Variants in SCN3B observed in about 807,000 individuals in gnomAD.
SCN3B encodes sodium channel regulatory subunit beta-3.
SCN3B carries 11 observed loss-of-function variants against 25.4 expected under a neutral mutation model. The observed-to-expected ratio is 0.43, with a 90% CI of 0.27 to 0.72. The LOEUF (loss-of-function observed/expected upper bound fraction) is 0.72, where lower values mean the gene tolerates loss of function less well. Ranked by LOEUF, SCN3B falls within the 30% of genes least tolerant of loss-of-function variation. The pLI is 0.18. For missense variants in SCN3B, 218 were observed against 278.3 expected, an observed-to-expected ratio of 0.78 and a Z score of 1.54; for synonymous variants, 109 against 110.7, an observed-to-expected ratio of 0.99 and a Z score of 0.09.
chr11:123,634,572 C>G (rs1041656691), intron 5 of SCN3B, among the ~76,000 whole-genome samples: 9 of 152,148 alleles, frequency 5.9e-5, no homozygotes, highest in Admixed American at 1.3e-4. Context: ...GAAACCCTGT[C>G]TCTACAAAAA....
chr11:123,649,880 T>G (rs1955904013), intron 2 of SCN3B, among the ~76,000 whole-genome samples: 1 of 152,102 alleles, frequency 6.6e-6, no homozygotes, highest in South Asian at 2.1e-4. Context: ...ATTTTTGTAT[T>G]TTTAGTAAAG....
intron 3 of SCN3B, among the ~76,000 whole-genome samples, chr11:123,645,352 C>G (rs1955842433): frequency 2.6e-5 from 4 of 152,200 alleles, no homozygotes; most frequent in Admixed American, 2.6e-4. Flanking sequence ...TAGCATATCT[C>G]TTTCCTCTGC....
rs2137229156 is a variant in SCN3B at position 123,632,536 on chromosome 11, T to G, written c.*1263A>C. On this transcript the variant is annotated 3_prime_UTR_variant, in exon 7 of 7. Coordinates refer to ENST00000299333, the MANE Select transcript of SCN3B (RefSeq NM_001040151.2). ...GGCGCAGTGCCTCACGCCTGTAATCTCAGCACTTTGGGAGGCTGAGGTGGG... is the reference window on the plus strand; with the variant it reads ...GGCGCAGTGCCTCACGCCTGTAATCGCAGCACTTTGGGAGGCTGAGGTGGG... 1 of 152,236 alleles carries G rather than the reference T, an allele frequency of 6.6e-6. No individual in the cohort carries two copies. The highest frequency in any genetic ancestry group is 1.9e-4 in the East Asian group (1 of 5,184). The allele number at this position is 152,236 out of a possible 1,614,324, so 9.4% of individuals were successfully genotyped here.
intron 1 of SCN3B, 85 bp from the exon 2 acceptor site, chr11:123,653,911 G>A (rs1955962197): frequency 2.3e-6 from 3 of 1,298,304 alleles, no homozygotes; most frequent in African/African-American, 1.5e-5. Flanking sequence ...GCCCCCAGGG[G>A]GCGACTTTCT....
intron 2 of SCN3B, among the ~76,000 whole-genome samples, chr11:123,651,378 T>C (rs1955924279): frequency 6.6e-6 from 1 of 152,008 alleles, no homozygotes; most frequent in South Asian, 2.1e-4. Flanking sequence ...TCTTTCTTTT[T>C]TTTTTGATGG....
chr11:123,638,363 A>G, intron 4 of SCN3B, 39 bp from the exon 5 acceptor site: 1 of 1,612,538 alleles, frequency 6.2e-7, no homozygotes, highest in African/African-American at 1.3e-5. Context: ...ATGCAAATCC[A>G]GCAAACCTAG....
At chr11:123,645,795 G>C (rs1366846877) in intron 2 of SCN3B, 45 bp from the exon 3 acceptor site, 2 of 1,602,112 alleles carry the variant, frequency 1.2e-6, no homozygotes, top group Non-Finnish European at 1.7e-6. Context: ...CAGGTGGTGG[G>C]GGAGGGGCAC....
intron 5 of SCN3B, 24 bp downstream of exon 5, chr11:123,638,162 T>C (rs1955750415): frequency 6.2e-7 from 1 of 1,613,850 alleles, no homozygotes; most frequent in African/African-American, 1.3e-5. Flanking sequence ...GCTTTCATTA[T>C]TACTTTGGCA....
At chr11:123,644,798 AGAATATAT>A (rs1428167896) in intron 3 of SCN3B, among the ~76,000 whole-genome samples, 33 of 36,276 alleles carry the variant, frequency 9.1e-4, no homozygotes, top group Admixed American at 3.5e-3. Context: ...AGAGAGAGAG[AGAATATAT>A]ATATATATAT....
chr11:123,645,807 G>A (rs1041986501), intron 2 of SCN3B, 57 bp from the exon 3 acceptor site: 20 of 1,577,378 alleles, frequency 1.3e-5, no homozygotes, highest in Non-Finnish European at 1.7e-5. Flanking sequence ...GAGGGGCACA[G>A]GAGAGAAACA....
At chr11:123,652,826 A>G (rs1287366867) in intron 2 of SCN3B, among the ~76,000 whole-genome samples, 1 of 152,108 alleles carries the variant, frequency 6.6e-6, no homozygotes, top group Non-Finnish European at 1.5e-5. Flanking sequence ...CTATGCCAAC[A>G]TGCTCACACA....
intron 4 of SCN3B, 178 bp from the exon 5 acceptor site, chr11:123,638,502 G>C (rs1955754229): frequency 2.5e-6 from 2 of 800,296 alleles, no homozygotes; most frequent in Admixed American, 4.4e-5. Context: ...ACTGTCATCA[G>C]CTGCTCAGGA....
intron 3 of SCN3B, among the ~76,000 whole-genome samples, chr11:123,644,834 TATATATACACACACAC>T (rs1955835181): frequency 7.7e-6 from 1 of 129,646 alleles, no homozygotes; most frequent in Non-Finnish European, 1.7e-5. Flanking sequence ...TATATATATA[TATATATACACACACAC>T]ATATATACAC....
chr11:123,638,092 G>A (rs1365226963), intron 5 of SCN3B, 94 bp downstream of exon 5: 4 of 1,408,070 alleles, frequency 2.8e-6, no homozygotes, highest in Non-Finnish European at 4.0e-6. Flanking sequence ...GAAGAGGGTG[G>A]AGGATGAATG....
At chr11:123,634,577 C>CA (rs1317150404) in intron 5 of SCN3B, among the ~76,000 whole-genome samples, 1 of 152,062 alleles carries the variant, frequency 6.6e-6, no homozygotes, top group Non-Finnish European at 1.5e-5. Flanking sequence ...CCTGTCTCTA[C>CA]AAAAAATACA....
rs1328817197 is a variant in SCN3B at position 123,653,837 on chromosome 11, A to G, written c.-25-11T>C. ...TGGCGGCTTCCAAGGCTACACAGAG[A>G]GATTCCCTCGGTCAAGGACTGCGCC... On this transcript the variant is annotated splice_polypyrimidine_tract_variant and intron_variant, in intron 1 of 6. Transcript: ENST00000299333. 1 of 1,611,932 alleles carries G rather than the reference A, an allele frequency of 6.2e-7. No homozygotes were observed. The highest frequency in any genetic ancestry group is 8.5e-7 in the Non-Finnish European group (1 of 1,177,994).
Position 123,633,446 on chromosome 11 carries a change from T to G in SCN3B, c.*353A>C. The G allele has an allele frequency of 6.5e-6, 1 of 153,820 alleles. No homozygotes were observed. Among genetic ancestry groups the G allele is most frequent in the Non-Finnish European group, 1.4e-5 (1 of 69,162 alleles). The allele number at this position is 153,820 out of a possible 1,614,324, so 9.5% of individuals were successfully genotyped here. A position where few individuals can be genotyped will look rare whatever the true frequency, so the allele number is the denominator to read the frequency against. On this transcript the variant is annotated 3_prime_UTR_variant, in exon 7 of 7. Transcript: ENST00000299333. The stretch of plus-strand genomic sequence containing the variant: ...CCAGCCAGTTAAGGGCAGAGGGAGG[T>G]GCTAACTCCAGCACTTGTACAAAGT...
intron 5 of SCN3B, among the ~76,000 whole-genome samples, chr11:123,635,809 A>G (rs1168614431): frequency 1.3e-5 from 2 of 152,200 alleles, no homozygotes; most frequent in African/African-American, 4.8e-5. Flanking sequence ...ACTGTGGCCT[A>G]AGAGCTAAGG....
Position 123,653,763 on chromosome 11 carries a change from G to A in SCN3B, c.39C>T (p.Leu13=). The A allele has an allele frequency of 1.9e-6, 3 of 1,614,232 alleles. No homozygotes were observed. Among genetic ancestry groups the A allele is most frequent in the Non-Finnish European group, 2.5e-6 (3 of 1,180,042 alleles). The stretch of plus-strand genomic sequence containing the variant: ...GGTACTTACCCCAGTAGATAAGCAC[G>A]AGAGAAGCCAGGGGAAACAATCTAT... The part of the protein sequence containing the change: ...AFNRLFPLAS[L]VLIYWVSVCF... The change falls in exon 2 of 7, where the codon CTC becomes CTT. Residue 13 remains leucine, a synonymous_variant. Coordinates refer to ENST00000299333, the MANE Select transcript of SCN3B (RefSeq NM_001040151.2).
Sources: gnomAD v4.1 joint callset for allele counts (sites outside exome capture counted in the v4.1 genomes callset) on GRCh38, gnomAD v4.1.1 for gene constraint, MANE v1.5 for transcripts, NCBI Gene and HGNC (gene_info 2026-07-23, HGNC 2026-07-21) for gene names.